The following CSMD1 variants were observed in gnomAD, a reference collection of about 807,000 sequenced individuals.
CSMD1 encodes the protein CUB and sushi domain-containing protein 1.
CSMD1 carries 213 observed loss-of-function variants against 417.5 expected under a neutral mutation model. The ratio of observed to expected loss-of-function variants is 0.51; its 90% CI spans 0.46 to 0.57. The LOEUF is 0.57. Among genes scored for constraint, CSMD1 ranks in the 20% least tolerant of loss-of-function variants. The pLI is 0.00. For missense variants in CSMD1, 6,923 were observed against 4,529.7 expected, an observed-to-expected ratio of 1.53 and a Z score of -15.17; for synonymous variants, 2,862 against 1,736.8, an observed-to-expected ratio of 1.65 and a Z score of -16.11.
chr8:4,751,926 G>T (rs977160192), intron 1 of CSMD1, among the ~76,000 whole-genome samples: 11 of 152,164 alleles, frequency 7.2e-5, no homozygotes, highest in Non-Finnish European at 1.6e-4. Flanking sequence ...GAGTCAGGAA[G>T]ATCCATGTAA....
At chr8:4,327,874 C>G (rs757127309) in intron 3 of CSMD1, among the ~76,000 whole-genome samples, 19 of 152,222 alleles carry the variant, frequency 1.2e-4, no homozygotes, top group Non-Finnish European at 2.6e-4. Context: ...AAACAAAAAA[C>G]TTTAAAATCT....
At chr8:3,431,922 T>C (rs1010354059) in intron 12 of CSMD1, among the ~76,000 whole-genome samples, 5 of 152,222 alleles carry the variant, frequency 3.3e-5, no homozygotes, top group Admixed American at 1.3e-4. Flanking sequence ...TGCCTTGACA[T>C]GACTTTACTG....
chr8:4,337,819 T>A (rs1800257027), intron 3 of CSMD1, among the ~76,000 whole-genome samples: 1 of 152,126 alleles, frequency 6.6e-6, no homozygotes. Flanking sequence ...GTAGAATAAA[T>A]CAGGTAATTA....
intron 7 of CSMD1, among the ~76,000 whole-genome samples, chr8:3,641,588 G>T (rs1246795319): frequency 6.6e-6 from 1 of 152,148 alleles, no homozygotes; most frequent in Non-Finnish European, 1.5e-5. Flanking sequence ...CATGATTTAT[G>T]CTTCTTATGT....
At chr8:3,973,420 G>T (rs1215915852) in intron 5 of CSMD1, among the ~76,000 whole-genome samples, 1 of 152,178 alleles carries the variant, frequency 6.6e-6, no homozygotes. Flanking sequence ...TACTAGTGAA[G>T]TTTATGCAAA....
chr8:3,883,830 T>C (rs1806375146), intron 5 of CSMD1, among the ~76,000 whole-genome samples: 1 of 152,074 alleles, frequency 6.6e-6, no homozygotes, highest in Non-Finnish European at 1.5e-5. Flanking sequence ...ATCAGAGGAA[T>C]GAATGCATTT....
In CSMD1 at chr8:4,697,121, G is replaced by A. The variant is rs542283633; in HGVS notation, c.86-59563C>T. Among the ~76,000 whole-genome samples the A allele has an allele frequency of 5.7e-4, 86 of 152,186 alleles. 2 individuals carry two copies. In the Middle Eastern group the frequency reaches 0.017, roughly 30 times the overall value. On this transcript the variant is annotated intron_variant, in intron 1 of 69. Transcript: ENST00000635120. ...CAGGAGGGGGAGGTTGCAGTGAGCCGAGATCGCGCCACTGCACTACAGCCT... is the reference window on the plus strand; with the variant it reads ...CAGGAGGGGGAGGTTGCAGTGAGCCAAGATCGCGCCACTGCACTACAGCCT...
intron 5 of CSMD1, among the ~76,000 whole-genome samples, chr8:3,813,185 A>G (rs558432475): frequency 6.6e-6 from 1 of 151,906 alleles, no homozygotes; most frequent in African/African-American, 2.4e-5. Context: ...TTCATGACAT[A>G]ATTTTACTTC....
chr8:3,789,032 T>C (rs1032330766), intron 5 of CSMD1, among the ~76,000 whole-genome samples: 76 of 152,218 alleles, frequency 5.0e-4, no homozygotes, highest in African/African-American at 1.5e-3. Context: ...GAGGATGCTA[T>C]GTTCTGAATG....
rs751098529 is a variant in CSMD1 at position 4,393,401 on chromosome 8, G to T, written c.415+26552C>A. On this transcript the variant is annotated intron_variant, in intron 3 of 69. Transcript: ENST00000635120. ...GAAGGAGAAATTCAGTTATGGTTGT[G>T]AAATCATTTAATAGGGAAAATACAT... 7.4e-4 allele frequency among the ~76,000 whole-genome samples: 112 copies of T among 152,296 alleles called. 2 individuals carry two copies. The Middle Eastern group carries it at 0.01, about 14-fold the overall frequency.
At chr8:3,275,163 T>C (rs13278713) in intron 26 of CSMD1, among the ~76,000 whole-genome samples, 2 of 152,118 alleles carry the variant, frequency 1.3e-5, no homozygotes, top group East Asian at 1.9e-4. Context: ...GTCTGTAAAG[T>C]ATTTTATTTC....
intron 46 of CSMD1, among the ~76,000 whole-genome samples, chr8:3,106,221 A>AC (rs1197822628): frequency 1.4e-5 from 1 of 73,928 alleles, no homozygotes; most frequent in Non-Finnish European, 3.1e-5. Context: ...ACCCATTTCT[A>AC]CAAAAAAAAA....
chr8:3,593,067 G>C (rs914809024), intron 8 of CSMD1, among the ~76,000 whole-genome samples: 1 of 152,192 alleles, frequency 6.6e-6, no homozygotes, highest in African/African-American at 2.4e-5. Flanking sequence ...GTCCTGCCCA[G>C]TGAGAAGGAA....
chr8:4,900,639 G>A (rs529278319), intron 1 of CSMD1, among the ~76,000 whole-genome samples: 1 of 152,138 alleles, frequency 6.6e-6, no homozygotes, highest in Non-Finnish European at 1.5e-5. Flanking sequence ...TGTTCATCCA[G>A]CTCCTGTACT....
At chr8:3,419,019 C>G (rs190097470) in intron 12 of CSMD1, among the ~76,000 whole-genome samples, 16 of 152,298 alleles carry the variant, frequency 1.1e-4, no homozygotes, top group Admixed American at 9.8e-4. Context: ...CTTTCACTTA[C>G]ATTATACTCG....
At chr8:4,583,114 A>C (rs1203355408) in intron 2 of CSMD1, among the ~76,000 whole-genome samples, 1 of 151,832 alleles carries the variant, frequency 6.6e-6, no homozygotes, top group Non-Finnish European at 1.5e-5. Context: ...CCTCCCACCC[A>C]CTCCATGGGC....
intron 1 of CSMD1, among the ~76,000 whole-genome samples, chr8:4,713,321 C>A (rs1584983603): frequency 6.6e-6 from 1 of 152,142 alleles, no homozygotes; most frequent in Non-Finnish European, 1.5e-5. Context: ...AAGACCCATC[C>A]GGTGGTGTGG....
chr8:3,549,113 G>C (rs775783220), intron 10 of CSMD1, among the ~76,000 whole-genome samples: 1 of 152,160 alleles, frequency 6.6e-6, no homozygotes, highest in African/African-American at 2.4e-5. Flanking sequence ...TTGCCATGCA[G>C]ATGCCCGCTT....
At chr8:4,975,518 A>C (rs1315993669) in intron 1 of CSMD1, among the ~76,000 whole-genome samples, 1 of 152,196 alleles carries the variant, frequency 6.6e-6, no homozygotes, top group African/African-American at 2.4e-5. Flanking sequence ...AGGCCAAATC[A>C]CTTATTTTTC....
Sources: gnomAD v4.1 joint callset for allele counts (sites outside exome capture counted in the v4.1 genomes callset) on GRCh38, gnomAD v4.1.1 for gene constraint, MANE v1.5 for transcripts, NCBI Gene and HGNC (gene_info 2026-07-23, HGNC 2026-07-21) for gene names.